Variants in CACNA1E observed in about 807,000 individuals in gnomAD.
The protein encoded by CACNA1E is calcium voltage-gated channel subunit alpha1 E.
CACNA1E carries 40 observed loss-of-function variants against 259.2 expected under a neutral mutation model. The ratio of observed to expected loss-of-function variants is 0.15; its 90% confidence interval spans 0.12 to 0.20. CACNA1E has a LOEUF of 0.20. Ranked by LOEUF, CACNA1E falls within the 10% of genes least tolerant of loss-of-function variation. The pLI, the probability that CACNA1E is intolerant of heterozygous loss-of-function variation, is 1.00. For synonymous variants in CACNA1E, 1,104 were observed against 1,138.5 expected, an observed-to-expected ratio of 0.97 and a Z score of 0.61; for missense variants, 1,874 against 3,040.1, an observed-to-expected ratio of 0.62 and a Z score of 9.02.
At chr1:181,535,584 C>G (rs1668105544) in intron 3 of CACNA1E, among the ~76,000 whole-genome samples, 1 of 152,028 alleles carries the variant, frequency 6.6e-6, no homozygotes, top group African/African-American at 2.4e-5. Flanking sequence ...GTAATACACC[C>G]ATACCCATGC....
chr1:181,764,653 G>A (rs992185193), intron 34 of CACNA1E, among the ~76,000 whole-genome samples: 5 of 152,156 alleles, frequency 3.3e-5, no homozygotes, highest in Non-Finnish European at 2.9e-5. Flanking sequence ...TGACTCCCAC[G>A]AGGCCTCACT....
intron 1 of CACNA1E, among the ~76,000 whole-genome samples, chr1:181,383,158 G>A (rs1222261676): frequency 6.6e-6 from 1 of 152,118 alleles, no homozygotes; most frequent in Non-Finnish European, 1.5e-5. Flanking sequence ...TTCCCCATTG[G>A]TATCTCTTTT....
At chr1:181,337,161 T>TC (rs1651776508) in intron 1 of CACNA1E, among the ~76,000 whole-genome samples, 1 of 146,872 alleles carries the variant, frequency 6.8e-6, no homozygotes, top group Admixed American at 6.8e-5. Context: ...AATCTACTCT[T>TC]TTTTTTTTTT....
intron 2 of CACNA1E, among the ~76,000 whole-genome samples, chr1:181,464,349 T>C (rs78871206): frequency 2.0e-5 from 3 of 151,978 alleles, no homozygotes; most frequent in East Asian, 1.9e-4. Context: ...GTTTTTTTTT[T>C]AGTCCCTGGG....
At chr1:181,737,698 T>C (rs779465283) in intron 23 of CACNA1E, 44 bp downstream of exon 23, 2 of 1,593,570 alleles carry the variant, frequency 1.3e-6, no homozygotes, top group Non-Finnish European at 1.7e-6. Flanking sequence ...AGTGCTCTGG[T>C]GCTCACCCCA....
At chr1:181,728,252 A>G (rs929895899) in intron 18 of CACNA1E, among the ~76,000 whole-genome samples, 11 of 152,132 alleles carry the variant, frequency 7.2e-5, no homozygotes, top group Non-Finnish European at 8.8e-5. Flanking sequence ...CTGGGGGAGA[A>G]GTGGGTTTAG....
chr1:181,454,299 A>G (rs946019839), intron 2 of CACNA1E, among the ~76,000 whole-genome samples: 19 of 152,182 alleles, frequency 1.2e-4, no homozygotes, highest in Non-Finnish European at 1.8e-4. Context: ...CCTCCAGGGG[A>G]CCTTGGACAA....
intron 18 of CACNA1E, among the ~76,000 whole-genome samples, chr1:181,730,561 G>A (rs1655368461): frequency 6.6e-6 from 1 of 152,240 alleles, no homozygotes; most frequent in Non-Finnish European, 1.5e-5. Flanking sequence ...CAGGGCCTCT[G>A]CGTTGCTCAA....
intron 17 of CACNA1E, among the ~76,000 whole-genome samples, chr1:181,725,226 T>C (rs1229625995): frequency 6.6e-6 from 1 of 152,244 alleles, no homozygotes; most frequent in African/African-American, 2.4e-5. Context: ...TCTCTGATGA[T>C]CTTTCTACAT....
chr1:181,737,529 C>T lies in CACNA1E; in HGVS notation c.3427C>T (p.Arg1143Trp), dbSNP rs754474207. ...AGCCATGCCCACTGCCCGCAGGATC[C>T]GGAGGGCCTGCCACTACATCGTGAA... ...MFIFSTTNPI[R>W]RACHYIVNLR... The change falls in exon 23 of 48, where the codon CGG (arginine) becomes TGG (tryptophan). Residue 1143 changes from arginine (R) to tryptophan (W), a missense_variant. By Grantham distance (101) the Arg-to-Trp change is moderately radical. Coordinates refer to ENST00000367573, the MANE Select transcript of CACNA1E (RefSeq NM_001205293.3). 5.6e-6 allele frequency: 9 copies of T among 1,613,702 alleles called. No homozygotes were observed. The highest frequency in any genetic ancestry group is 1.1e-5 in the South Asian group (1 of 91,052).
At position 181,736,365 on chromosome 1, in the gene CACNA1E, A is replaced by T; in HGVS notation, c.3353A>T (p.Lys1118Met). 6.2e-7 allele frequency: 1 copy of T among 1,611,502 alleles called. No homozygotes were observed. The change falls in exon 22 of 48, where the codon AAG (lysine) becomes ATG (methionine). Residue 1118 changes from lysine to methionine, a missense_variant. Transcript: ENST00000367573. The part of the protein sequence containing the change: ...EEEVEKKKQK[K>M]EKRETGKAMV... ...GAGGTGGAGAAGAAGAAGCAGAAGA[A>T]GGAGAAGCGTGAGACAGGCAAAGCC... is the stretch of plus-strand genomic sequence containing the variant.
chr1:181,708,668 G>C (rs1209304778), intron 7 of CACNA1E, among the ~76,000 whole-genome samples: 1 of 152,156 alleles, frequency 6.6e-6, no homozygotes, highest in African/African-American at 2.4e-5. Flanking sequence ...TGAAGGACTT[G>C]GGCTCTTACA....
chr1:181,327,280 A>G (rs1650870031), intron 1 of CACNA1E, among the ~76,000 whole-genome samples: 1 of 152,194 alleles, frequency 6.6e-6, no homozygotes, highest in Non-Finnish European at 1.5e-5. Context: ...CTCGCCAACT[A>G]TGACTTTGAC....
chr1:181,391,937 C>CTGTGTGTGTGTG (rs1490839276), intron 1 of CACNA1E, among the ~76,000 whole-genome samples: 9 of 74,946 alleles, frequency 1.2e-4, no homozygotes, highest in African/African-American at 2.9e-4. Context: ...CTCTCTCTCT[C>CTGTGTGTGTGTG]TCTCTCTCTG....
intron 3 of CACNA1E, among the ~76,000 whole-genome samples, chr1:181,558,609 CA>C (rs1648987440): frequency 6.6e-6 from 1 of 152,098 alleles, no homozygotes; most frequent in South Asian, 2.1e-4. Context: ...TGCAGGAAAC[CA>C]AAATTAGTTC....
chr1:181,600,063 G>C (rs914296012), intron 6 of CACNA1E, among the ~76,000 whole-genome samples: 1 of 152,232 alleles, frequency 6.6e-6, no homozygotes, highest in South Asian at 2.1e-4. Context: ...CAGGGAGGCA[G>C]TATGCTTCAG....
In CACNA1E at chr1:181,376,360, GA is replaced by G. The variant is rs375445909; in HGVS notation, c.-14-36771del. ...TTCTGGCGCAGAGGCAAGAAAGAAG[GA>G]AGGAGAGCTGGAAGAGCCGCTTTTC... On this transcript the variant is annotated intron_variant, in intron 1 of 11. Transcript: ENST00000524607. Among the ~76,000 whole-genome samples, 115 of 152,368 alleles carry G rather than the reference GA, an allele frequency of 7.5e-4. 2 individuals carry two copies. Among genetic ancestry groups the G allele is most frequent in the African/African-American group, 2.7e-3 (112 of 41,590 alleles).
At chr1:181,371,414 A>G (rs1654704413) in intron 1 of CACNA1E, among the ~76,000 whole-genome samples, 1 of 152,260 alleles carries the variant, frequency 6.6e-6, no homozygotes, top group Admixed American at 6.5e-5. Context: ...GGCATGTGCC[A>G]CTACACCCAG....
chr1:181,415,433 T>A (rs1658194206), intron 2 of CACNA1E, among the ~76,000 whole-genome samples: 1 of 151,982 alleles, frequency 6.6e-6, no homozygotes. Context: ...TCAATGGCCT[T>A]GGGGAATGTC....
Sources: gnomAD v4.1 joint callset for allele counts (sites outside exome capture counted in the v4.1 genomes callset) on GRCh38, gnomAD v4.1.1 for gene constraint, MANE v1.5 for transcripts, NCBI Gene and HGNC (gene_info 2026-07-23, HGNC 2026-07-21) for gene names.